MBOAT1: variants seen among roughly 807,000 people sequenced by gnomAD.
MBOAT1 encodes the protein membrane-bound glycerophospholipid O-acyltransferase 1.
In MBOAT1, 67 loss-of-function variants were observed where a neutral mutation model predicts 64.4. The ratio of observed to expected loss-of-function variants is 1.04; its 90% confidence interval spans 0.85 to 1.27. The LOEUF is 1.27. Ranked by LOEUF, MBOAT1 falls within the 50% of genes most tolerant of loss-of-function variation. MBOAT1 has a pLI of 0.00. For synonymous variants in MBOAT1, 229 were observed against 218.9 expected (o/e 1.05, Z -0.41); for missense variants, 563 against 604.6 (o/e 0.93, Z 0.72).
intron 1 of MBOAT1, among the ~76,000 whole-genome samples, chr6:20,205,894 C>T (rs1763249648): frequency 6.6e-6 from 1 of 151,788 alleles, no homozygotes; most frequent in Non-Finnish European, 1.5e-5. Flanking sequence ...GCTCTGAGAC[C>T]CTAGGGGGGC....
intron 2 of MBOAT1, 151 bp from the exon 3 acceptor site, chr6:20,151,413 C>T (rs531133057): frequency 4.9e-4 from 279 of 569,300 alleles, no homozygotes; most frequent in Non-Finnish European, 7.6e-4. Context: ...AGAAAATAAG[C>T]CAAATATTTT....
chr6:20,199,898 G>T (rs866540940), intron 1 of MBOAT1, among the ~76,000 whole-genome samples: 1 of 152,190 alleles, frequency 6.6e-6, no homozygotes, highest in Non-Finnish European at 1.5e-5. Flanking sequence ...AAACCAGAGG[G>T]CGGAGGTTGC....
At chr6:20,125,468 G>C (rs1459643245) in intron 7 of MBOAT1, among the ~76,000 whole-genome samples, 1 of 152,154 alleles carries the variant, frequency 6.6e-6, no homozygotes, top group African/African-American at 2.4e-5. Flanking sequence ...TGTATGTCTT[G>C]AACTAAAACG....
chr6:20,171,294 T>C (rs1312699536), intron 1 of MBOAT1, among the ~76,000 whole-genome samples: 2 of 151,346 alleles, frequency 1.3e-5, no homozygotes, highest in Admixed American at 1.3e-4. Flanking sequence ...TCCAGCACTT[T>C]GGGAGGCCAA....
chr6:20,168,640 A>AGAGAAGAGAAGAGAAGGGAGGAGAG (rs1254759093), intron 1 of MBOAT1, among the ~76,000 whole-genome samples: 1 of 53,680 alleles, frequency 1.9e-5, no homozygotes. Flanking sequence ...AGAGAAGAGA[A>AGAGAAGAGAAGAGAAGGGAGGAGAG]GAGAGGAGAG....
At chr6:20,119,457 T>C (rs764633459) in intron 8 of MBOAT1, among the ~76,000 whole-genome samples, 10 of 152,228 alleles carry the variant, frequency 6.6e-5, no homozygotes, top group Non-Finnish European at 1.0e-4. Flanking sequence ...AATTAAGTGA[T>C]AGCACTGTGA....
chr6:20,116,347 AT>A lies in MBOAT1; in HGVS notation c.1012-996del, dbSNP rs1168828778. ...ACTCCATCTCAAAAAAAAAATAAAA[AT>A]AAAAATAAAAATAACCGTGATGCAA... On this transcript the variant is annotated intron_variant, in intron 9 of 12. Coordinates refer to ENST00000324607, the MANE Select transcript of MBOAT1 (RefSeq NM_001080480.3). 1.1e-3 allele frequency among the ~76,000 whole-genome samples: 173 copies of A among 152,258 alleles called. 1 individual carries two copies. The highest frequency in any genetic ancestry group is 4.1e-3 in the African/African-American group (170 of 41,540).
intron 1 of MBOAT1, among the ~76,000 whole-genome samples, chr6:20,192,449 A>G (rs1385481919): frequency 6.6e-6 from 1 of 152,132 alleles, no homozygotes; most frequent in Non-Finnish European, 1.5e-5. Context: ...CAGGCATCCT[A>G]TCTATTCATT....
intron 1 of MBOAT1, among the ~76,000 whole-genome samples, chr6:20,184,863 C>A (rs1762605986): frequency 7.6e-6 from 1 of 132,122 alleles, no homozygotes; most frequent in Non-Finnish European, 1.7e-5. Flanking sequence ...CCTATATGTA[C>A]CTAACATTAT....
In MBOAT1 at chr6:20,212,402, GGC is replaced by G; in HGVS notation, c.-170_-169del. The G allele has an allele frequency of 1.6e-6, 1 of 631,028 alleles. No homozygotes were observed. The highest frequency in any genetic ancestry group is 1.9e-5 in the South Asian group (1 of 51,426). The allele number at this position is 631,028 out of a possible 1,614,324, so 39.1% of individuals were successfully genotyped here. ...AATGCGAACCGGCGCAAACTCTCGAGGCGCAAACTCTCGAGGCGCAAACTTGG... is the reference window on the plus strand; with the variant it reads ...AATGCGAACCGGCGCAAACTCTCGAGGCAAACTCTCGAGGCGCAAACTTGG... On this transcript the variant is annotated 5_prime_UTR_variant, in exon 1 of 13. Coordinates refer to ENST00000324607, the MANE Select transcript of MBOAT1 (RefSeq NM_001080480.3).
At chr6:20,196,048 GTTC>G (rs752781665) in intron 1 of MBOAT1, among the ~76,000 whole-genome samples, 3 of 152,214 alleles carry the variant, frequency 2.0e-5, no homozygotes, top group South Asian at 2.1e-4. Flanking sequence ...CAGCAGATGT[GTTC>G]TTATTTGGGC....
chr6:20,155,886 G>T (rs1257532973), intron 1 of MBOAT1, among the ~76,000 whole-genome samples: 1 of 152,156 alleles, frequency 6.6e-6, no homozygotes, highest in Admixed American at 6.6e-5. Flanking sequence ...CCTTATAAAA[G>T]TTTTCCCCAA....
rs1016703644 is a variant in MBOAT1, at chr6:20,199,291, T to A, written c.99+12845A>T. 2.0e-5 allele frequency among the ~76,000 whole-genome samples: 3 copies of A among 152,206 alleles called. No individual in the cohort carries two copies. In the East Asian group the frequency reaches 5.8e-4, roughly 29 times the overall value. On this transcript the variant is annotated intron_variant, in intron 1 of 12. Coordinates refer to ENST00000324607, the MANE Select transcript of MBOAT1 (RefSeq NM_001080480.3). ...AGATGAAACAGAGCTTCACCCTCTA[T>A]CTTGATGAAATGATTGTTTTAATAT...
chr6:20,197,724 A>G (rs971982115), intron 1 of MBOAT1, among the ~76,000 whole-genome samples: 2 of 152,190 alleles, frequency 1.3e-5, no homozygotes, highest in Admixed American at 6.5e-5. Context: ...CCTAAAATGT[A>G]TAAAACCAAG....
intron 10 of MBOAT1, among the ~76,000 whole-genome samples, chr6:20,114,611 G>T (rs1027428388): frequency 6.6e-6 from 1 of 152,054 alleles, no homozygotes; most frequent in Non-Finnish European, 1.5e-5. Context: ...GGCTGGGTGC[G>T]GTGGCTCCCA....
chr6:20,154,076 T>C (rs926635321), intron 1 of MBOAT1, among the ~76,000 whole-genome samples: 1 of 152,206 alleles, frequency 6.6e-6, no homozygotes, highest in Non-Finnish European at 1.5e-5. Context: ...TTCAATAAAC[T>C]GCTGCTGATA....
At chr6:20,112,083 T>C (rs891675286) in intron 11 of MBOAT1, among the ~76,000 whole-genome samples, 1 of 150,844 alleles carries the variant, frequency 6.6e-6, no homozygotes, top group Admixed American at 6.7e-5. Context: ...ATCCAAAATA[T>C]GGCTCAACCA....
chr6:20,174,050 G>T (rs1046173379), intron 1 of MBOAT1, among the ~76,000 whole-genome samples: 1 of 152,188 alleles, frequency 6.6e-6, no homozygotes, highest in Non-Finnish European at 1.5e-5. Flanking sequence ...GGTTCCTCAC[G>T]AGACAGTTAT....
chr6:20,117,109 G>A (rs1050866993), intron 9 of MBOAT1, among the ~76,000 whole-genome samples: 1 of 152,144 alleles, frequency 6.6e-6, no homozygotes, highest in African/African-American at 2.4e-5. Context: ...TCGTGACCGG[G>A]GACTGCTTCT....
Sources: gnomAD v4.1 joint callset for allele counts (sites outside exome capture counted in the v4.1 genomes callset) on GRCh38, gnomAD v4.1.1 for gene constraint, MANE v1.5 for transcripts, NCBI Gene and HGNC (gene_info 2026-07-23, HGNC 2026-07-21) for gene names.